CAMTA1: variants seen among roughly 807,000 people sequenced by gnomAD.
CAMTA1 encodes calmodulin-binding transcription activator 1.
In CAMTA1, 27 loss-of-function variants were observed where a neutral mutation model predicts 170.9. The observed-to-expected ratio is 0.16, with a 90% CI of 0.12 to 0.22. CAMTA1 has a LOEUF of 0.22. Ranked by LOEUF, CAMTA1 falls within the 10% of genes least tolerant of loss-of-function variation. CAMTA1 has a pLI of 1.00. For synonymous variants in CAMTA1, 833 were observed against 891.5 expected (o/e 0.93, Z 1.17); for missense variants, 1,619 against 2,217.2 (o/e 0.73, Z 5.42).
intron 6 of CAMTA1, among the ~76,000 whole-genome samples, chr1:7,486,730 C>T (rs1189844411): frequency 3.9e-5 from 6 of 152,186 alleles, no homozygotes; most frequent in East Asian, 3.9e-4. Context: ...ATGGCAGTGC[C>T]GCTGTTGGGT....
chr1:7,018,128 T>G (rs201300427), intron 3 of CAMTA1, among the ~76,000 whole-genome samples: 10,383 of 108,754 alleles, frequency 0.095, 5 homozygotes, highest in East Asian at 0.13. Flanking sequence ...CACGCCTGGC[T>G]AATGCCAGGG....
intron 4 of CAMTA1, among the ~76,000 whole-genome samples, chr1:7,166,017 A>G (rs558444247): frequency 6.6e-6 from 1 of 152,244 alleles, no homozygotes; most frequent in East Asian, 1.9e-4. Context: ...TTATTGCATT[A>G]ACATTTATAT....
chr1:7,164,590 T>C (rs1293400224), intron 4 of CAMTA1, among the ~76,000 whole-genome samples: 1 of 152,224 alleles, frequency 6.6e-6, no homozygotes, highest in Non-Finnish European at 1.5e-5. Flanking sequence ...TCCTGTCATG[T>C]GCGGAATTGG....
chr1:6,887,522 T>C lies in CAMTA1; in HGVS notation c.234+62312T>C. The C allele has an allele frequency of 7.4e-7, 1 of 1,351,524 alleles. No homozygotes were observed. The highest frequency in any genetic ancestry group is 9.9e-7 in the Non-Finnish European group (1 of 1,012,636). The allele number at this position is 1,351,524 out of a possible 1,614,324, so 83.7% of individuals were successfully genotyped here. A position where few individuals can be genotyped will look rare whatever the true frequency, so the allele number is the denominator to read the frequency against. ...TCTGTATACGTATGTGTGTGTTTAA[T>C]ATATACTTTAGTTTGCCTTTACCCA... On this transcript the variant is annotated intron_variant, in intron 3 of 22. Transcript: ENST00000303635. This position sits in a 1 kb window ranked among gnomAD's most constrained non-coding sequence, Gnocchi z 4.1.
intron 1 of CAMTA1, among the ~76,000 whole-genome samples, chr1:6,800,166 G>C (rs759883014): frequency 6.6e-6 from 1 of 152,104 alleles, no homozygotes; most frequent in Non-Finnish European, 1.5e-5. Context: ...AGCACTTTGG[G>C]AGGCCGAGAC....
chr1:7,715,363 C>G (rs139513664), intron 11 of CAMTA1, among the ~76,000 whole-genome samples: 1 of 151,998 alleles, frequency 6.6e-6, no homozygotes, highest in African/African-American at 2.4e-5. Flanking sequence ...TGGGGGGGTT[C>G]TGTAAGGATC....
chr1:7,253,273 C>T (rs973115630), intron 5 of CAMTA1, among the ~76,000 whole-genome samples: 23 of 152,240 alleles, frequency 1.5e-4, no homozygotes, highest in East Asian at 7.7e-4. Context: ...ACCCTGGTTC[C>T]GGGGTCACTG....
chr1:7,232,641 C>T (rs930601973), intron 4 of CAMTA1, among the ~76,000 whole-genome samples: 1 of 152,126 alleles, frequency 6.6e-6, no homozygotes, highest in African/African-American at 2.4e-5. Context: ...TAGGGAGCCT[C>T]CAGAAACAGG....
chr1:7,717,820 C>T (rs924226733), intron 11 of CAMTA1, among the ~76,000 whole-genome samples: 29 of 152,056 alleles, frequency 1.9e-4, no homozygotes, highest in Admixed American at 1.5e-3. Flanking sequence ...GAAAAAAAGC[C>T]CATCATAGAA....
rs1571792354 is a variant in CAMTA1 at position 6,927,484 on chromosome 1, A to G, written c.234+102274A>G. Among the ~76,000 whole-genome samples the G allele has an allele frequency of 2.6e-5, 4 of 152,378 alleles. 1 individual carries two copies. The highest frequency in any genetic ancestry group is 2.6e-4 in the Admixed American group (4 of 15,308). ...TAATGCACATAATTTTAAAAATTCC[A>G]TTCTTAAATAACCAAATTACGAATG... On this transcript the variant is annotated intron_variant, in intron 3 of 22. Coordinates refer to ENST00000303635, the MANE Select transcript of CAMTA1 (RefSeq NM_015215.4).
chr1:7,703,918 G>A (rs1049816527), intron 11 of CAMTA1, among the ~76,000 whole-genome samples: 4 of 152,102 alleles, frequency 2.6e-5, no homozygotes, highest in Non-Finnish European at 4.4e-5. Flanking sequence ...GCTGGAGCTG[G>A]AACTTTGGAA....
At chr1:7,677,871 C>A in intron 11 of CAMTA1, 138 bp downstream of exon 11, 1 of 991,498 alleles carries the variant, frequency 1.0e-6, no homozygotes, top group Non-Finnish European at 1.4e-6. Context: ...GGAAGGCCGA[C>A]TGGGTCTCCA....
chr1:7,482,435 C>T lies in CAMTA1; in HGVS notation c.510+14534C>T, dbSNP rs894691097. ...TCCAGCTGTGCCCCACGAGCACAAG[C>T]GTCAGCACTCGGTAAAGACACCAGA... On this transcript the variant is annotated intron_variant, in intron 6 of 22. Coordinates refer to ENST00000303635, the MANE Select transcript of CAMTA1 (RefSeq NM_015215.4). The surrounding 1 kb of genome is among the most constrained non-coding windows in gnomAD (Gnocchi z 4.2). Among the ~76,000 whole-genome samples the T allele has an allele frequency of 5.3e-5, 8 of 152,298 alleles. No individual in the cohort carries two copies. Among genetic ancestry groups the T allele is most frequent in the South Asian group, 4.2e-4 (2 of 4,816 alleles).
intron 3 of CAMTA1, among the ~76,000 whole-genome samples, chr1:6,975,165 C>T (rs561928241): frequency 1.3e-5 from 2 of 152,268 alleles, no homozygotes; most frequent in East Asian, 1.9e-4. Flanking sequence ...AGCTGGAAGC[C>T]GAGCATTCCA....
rs2091876733 is a variant in CAMTA1 at position 7,426,389 on chromosome 1, G to T, written c.439-41441G>T. On this transcript the variant is annotated intron_variant, in intron 5 of 22. Transcript: ENST00000303635. This position sits in a 1 kb window ranked among gnomAD's most constrained non-coding sequence, Gnocchi z 4.8. ...CATCCTGGCATCGGATATAGGACCA[G>T]CGGTAGTGATCTCCCCCAAAAAACT... Among the ~76,000 whole-genome samples the T allele has an allele frequency of 6.6e-6, 1 of 152,192 alleles. No homozygotes were observed. Among genetic ancestry groups the T allele is most frequent in the Non-Finnish European group, 1.5e-5 (1 of 68,040 alleles).
intron 22 of CAMTA1, among the ~76,000 whole-genome samples, chr1:7,761,708 T>C (rs934333500): frequency 3.9e-5 from 6 of 152,256 alleles, no homozygotes; most frequent in African/African-American, 1.4e-4. Context: ...GTAATGTTAA[T>C]GAAACCAGTT....
intron 3 of CAMTA1, among the ~76,000 whole-genome samples, chr1:6,895,101 T>C (rs1029905446): frequency 1.3e-5 from 2 of 152,210 alleles, no homozygotes; most frequent in Non-Finnish European, 2.9e-5. Context: ...GTCTAAGTAT[T>C]AACACTTAAA....
At chr1:7,235,905 G>A (rs969789763) in intron 4 of CAMTA1, among the ~76,000 whole-genome samples, 5 of 152,218 alleles carry the variant, frequency 3.3e-5, no homozygotes, top group African/African-American at 1.2e-4. Flanking sequence ...GCAAATTGGT[G>A]CTACCTTCTC....
intron 3 of CAMTA1, among the ~76,000 whole-genome samples, chr1:6,958,155 C>T (rs1389047401): frequency 1.3e-5 from 2 of 152,184 alleles, no homozygotes; most frequent in Non-Finnish European, 2.9e-5. Context: ...CCTTTCCTTC[C>T]TGGAGAACCT....
Sources: gnomAD v4.1 joint callset for allele counts (sites outside exome capture counted in the v4.1 genomes callset) on GRCh38, gnomAD v4.1.1 for gene constraint, Gnocchi (gnomAD v3.1) non-coding constraint, MANE v1.5 for transcripts, NCBI Gene and HGNC (gene_info 2026-07-23, HGNC 2026-07-21) for gene names.